TAF1: variants seen among roughly 807,000 people sequenced by gnomAD.
TAF1 encodes the protein TATA-box binding protein associated factor 1.
TAF1 carries 2 observed loss-of-function variants against 138.5 expected under a neutral mutation model. The observed-to-expected ratio is 0.01, with a 90% CI of 0.01 to 0.05. The LOEUF (loss-of-function observed/expected upper bound fraction) is 0.05. Ranked by LOEUF, TAF1 falls within the 10% of genes least tolerant of loss-of-function variation. TAF1 has a pLI of 1.00. For synonymous variants in TAF1, 437 were observed against 503.2 expected, an observed-to-expected ratio of 0.87 and a Z score of 1.76; for missense variants, 709 against 1,478.0, an observed-to-expected ratio of 0.48 and a Z score of 8.53.
intron 14 of TAF1, among the ~76,000 whole-genome samples, chrX:71,386,819 C>T (rs140115325): frequency 7.0e-4 from 79 of 112,892 alleles, no homozygotes; most frequent in Middle Eastern, 9.2e-3. Context: ...TGCTCTCACA[C>T]GTTGTGTGTT....
intron 13 of TAF1, among the ~76,000 whole-genome samples, chrX:71,489,911 G>A (rs1292756824): frequency 8.9e-6 from 1 of 111,767 alleles, no homozygotes; most frequent in East Asian, 2.8e-4. Flanking sequence ...CTAAAATTCA[G>A]TTGTTGCCTT....
chrX:71,503,358 A>ATGTGTG (rs2058803058), intron 13 of TAF1, among the ~76,000 whole-genome samples: 1 of 101,288 alleles, frequency 9.9e-6, no homozygotes, highest in Admixed American at 1.1e-4. Flanking sequence ...ATATATATAT[A>ATGTGTG]TATACACACA....
rs1425087903 is a variant in TAF1 at position 71,503,324 on chromosome X, G to GTATATATATATATATA, written c.1367-25217_1367-25216insATATATATATATATAT. On this transcript the variant is annotated intron_variant and NMD_transcript_variant, in intron 13 of 14. Transcript: ENST00000373775. ...TATATATATATATATATATATATGTGTGTGTATATATATATATATGTGTAT... is the reference window on the plus strand; with the variant it reads ...TATATATATATATATATATATATGTGTATATATATATATATATGTGTATATATATATATATGTGTAT... Among the ~76,000 whole-genome samples the GTATATATATATATATA allele has an allele frequency of 7.5e-3, 695 of 92,727 alleles. 18 individuals carry two copies. Among genetic ancestry groups the GTATATATATATATATA allele is most frequent in the African/African-American group, 0.029 (657 of 22,481 alleles). The allele number at this position is 92,727 out of a possible 115,157, so 80.5% of individuals were successfully genotyped here. A position where few individuals can be genotyped will look rare whatever the true frequency, so the allele number is the denominator to read the frequency against.
intron 25 of TAF1, 69 bp from the exon 26 acceptor site, chrX:71,406,569 A>T: frequency 1.9e-6 from 2 of 1,056,278 alleles, no homozygotes; most frequent in Non-Finnish European, 2.6e-6. Flanking sequence ...TTTTTTAATT[A>T]TAGTTGCTTT....
chrX:71,413,642 T>TG (rs1351296928), intron 28 of TAF1, among the ~76,000 whole-genome samples: 2 of 111,328 alleles, frequency 1.8e-5, no homozygotes, highest in African/African-American at 6.5e-5. Context: ...CCCATACCTC[T>TG]CTTCAGGGCT....
At chrX:71,501,518 G>A (rs1353357977) in intron 13 of TAF1, among the ~76,000 whole-genome samples, 2 of 111,479 alleles carry the variant, frequency 1.8e-5, no homozygotes, top group African/African-American at 6.5e-5. Context: ...GCAAGAGTCA[G>A]GATAGATAGG....
Position 71,368,055 on chromosome X carries a change from G to A in TAF1, c.237G>A (p.Gly79=). The change falls in exon 3 of 38, where the codon GGG becomes GGA. Residue 79 remains glycine (G), a splice_region_variant and synonymous_variant. Transcript: ENST00000423759. ...CGATTCTCCCTGCTTTTTTCATAGG[G>A]TGGGTTAGGAGTACAGAAGATGCTG... ...GTDGALVNDE[G]WVRSTEDAVD... The A allele has an allele frequency of 8.3e-7, 1 of 1,209,524 alleles. No homozygotes were observed. Among genetic ancestry groups the A allele is most frequent in the Non-Finnish European group, 1.1e-6 (1 of 894,244 alleles).
chrX:71,366,507 GCGTGGGGGTAGGGCTCGGGGGGT>G lies in TAF1; in HGVS notation c.120+14_120+36del. 4 of 1,083,888 alleles carry G rather than the reference GCGTGGGGGTAGGGCTCGGGGGGT, an allele frequency of 3.7e-6. No individual in the cohort carries two copies. Among genetic ancestry groups the G allele is most frequent in the Admixed American group, 6.0e-5 (2 of 33,597 alleles). The allele number at this position is 1,083,888 out of a possible 1,213,427, so 89.3% of individuals were successfully genotyped here. ...CGTCTTGGATGATGTGAGGGGGTGG[GCGTGGGGGTAGGGCTCGGGGGGT>G]GGGGCTAAGCAGAGGAAGGAGGTGC... On this transcript the variant is annotated intron_variant, in intron 1 of 37. Transcript: ENST00000423759.
intron 36 of TAF1, 53 bp from the exon 37 acceptor site, chrX:71,460,573 T>A: frequency 8.5e-7 from 1 of 1,182,926 alleles, no homozygotes; most frequent in Non-Finnish European, 1.1e-6. Flanking sequence ...AAAGATCAAG[T>A]TAAATCTGTC....
intron 3 of TAF1, among the ~76,000 whole-genome samples, chrX:71,371,948 C>G (rs1036288571): frequency 5.4e-5 from 6 of 111,783 alleles, no homozygotes; most frequent in Non-Finnish European, 7.5e-5. Flanking sequence ...GTTGGCTTTC[C>G]TTTTTTTCTG....
intron 13 of TAF1, chrX:71,528,220 G>T (rs994890991): frequency 2.3e-5 from 5 of 219,586 alleles, no homozygotes; most frequent in Non-Finnish European, 4.2e-5. Flanking sequence ...TAGCACATTT[G>T]CTCACTTTTC....
intron 24 of TAF1, among the ~76,000 whole-genome samples, chrX:71,400,176 G>A (rs1246632308): frequency 7.4e-5 from 8 of 107,858 alleles, no homozygotes; most frequent in Non-Finnish European, 1.3e-4. Flanking sequence ...TGCAACCTCC[G>A]GCTTCCAGGT....
intron 32 of TAF1, among the ~76,000 whole-genome samples, chrX:71,446,030 C>T (rs2037680902): frequency 9.2e-6 from 1 of 108,929 alleles, no homozygotes; most frequent in African/African-American, 3.4e-5. Flanking sequence ...TGTGCCTCAG[C>T]CTCCCAAGTA....
chrX:71,366,776 G>A (rs1023281648), intron 1 of TAF1, among the ~76,000 whole-genome samples: 3 of 111,339 alleles, frequency 2.7e-5, no homozygotes, highest in Non-Finnish European at 5.7e-5. Flanking sequence ...GACACATGCT[G>A]GTTTCGCCTA....
intron 18 of TAF1, among the ~76,000 whole-genome samples, chrX:71,391,565 CT>C (rs1433363207): frequency 9.2e-6 from 1 of 108,950 alleles, no homozygotes; most frequent in Non-Finnish European, 1.9e-5. Flanking sequence ...AAAAAGAATT[CT>C]GTTGAATGGC....
At chrX:71,466,123 G>A (rs1380998302), downstream of TAF1, 4 of 112,092 alleles carry the variant, frequency 3.6e-5, no homozygotes, top group African/African-American at 1.3e-4. Flanking sequence ...GATCTTTAGG[G>A]AGTAGGACTT....
At chrX:71,424,414 CTTTTTTTTTTTTTTTT>C (rs140301261) in intron 32 of TAF1, among the ~76,000 whole-genome samples, 176 bp downstream of exon 32, 1 of 29,933 alleles carries the variant, frequency 3.3e-5, no homozygotes, top group Non-Finnish European at 5.5e-5. Flanking sequence ...GTGCCAGGCT[CTTTTTTTTTTTTTTTT>C]TTTTTTTTTT....
chrX:71,436,209 G>A (rs2037132776), intron 32 of TAF1, among the ~76,000 whole-genome samples: 1 of 101,364 alleles, frequency 9.9e-6, no homozygotes, highest in South Asian at 4.6e-4. Flanking sequence ...CTCCAAGCCC[G>A]GCTAATTTTT....
At chrX:71,455,292 A>ACT (rs1254982176) in intron 34 of TAF1, among the ~76,000 whole-genome samples, 1 of 111,740 alleles carries the variant, frequency 8.9e-6, no homozygotes, top group Admixed American at 9.5e-5. Context: ...AGTGTAGCTC[A>ACT]GAAGTCACCC....
Sources: gnomAD v4.1 joint callset for allele counts (sites outside exome capture counted in the v4.1 genomes callset) on GRCh38, gnomAD v4.1.1 for gene constraint, MANE v1.5 for transcripts, NCBI Gene and HGNC (gene_info 2026-07-23, HGNC 2026-07-21) for gene names.